The following DPYD variants were observed in gnomAD, a reference collection of about 807,000 sequenced individuals.
DPYD encodes dihydropyrimidine dehydrogenase.
A neutral mutation model predicts 116.2 loss-of-function variants in DPYD; 109 were observed. The ratio of observed to expected loss-of-function variants is 0.94; its 90% CI spans 0.80 to 1.10. DPYD has a LOEUF of 1.10. Among genes scored for constraint, DPYD ranks in the 50% least tolerant of loss-of-function variants. DPYD has a pLI of 0.00. For synonymous variants in DPYD, 440 were observed against 432.0 expected, an observed-to-expected ratio of 1.02 and a Z score of -0.23; for missense variants, 1,302 against 1,254.5, an observed-to-expected ratio of 1.04 and a Z score of -0.57.
chr1:97,757,805 T>A (rs1008810731), intron 3 of DPYD, among the ~76,000 whole-genome samples: 22 of 152,172 alleles, frequency 1.4e-4, no homozygotes, highest in Non-Finnish European at 3.2e-4. Flanking sequence ...CCAAGACAAG[T>A]ATTCACAATA....
rs200068926 is a variant in DPYD, at chr1:97,494,775, CACAT to C, written c.1740+20947_1740+20950del. On this transcript the variant is annotated intron_variant, in intron 13 of 22. Coordinates refer to ENST00000370192, the MANE Select transcript of DPYD (RefSeq NM_000110.4). ...AAACACACACACACACACACACACA[CACAT>C]ACGCACACACACACATAATTTTAAG... Among the ~76,000 whole-genome samples the C allele has an allele frequency of 5.4e-3, 811 of 148,874 alleles. 7 individuals carry two copies. The highest frequency in any genetic ancestry group is 0.019 in the African/African-American group (759 of 40,306).
At chr1:97,533,245 G>C (rs1006036449) in intron 12 of DPYD, among the ~76,000 whole-genome samples, 1 of 151,726 alleles carries the variant, frequency 6.6e-6, no homozygotes, top group Non-Finnish European at 1.5e-5. Flanking sequence ...TAATATGTTG[G>C]TTTCTTTCAC....
intron 14 of DPYD, among the ~76,000 whole-genome samples, chr1:97,447,489 C>T (rs1676153867): frequency 2.0e-5 from 3 of 152,026 alleles, no homozygotes; most frequent in African/African-American, 7.3e-5. Context: ...AAAACGTTAT[C>T]TTCGATATGA....
intron 1 of DPYD, among the ~76,000 whole-genome samples, chr1:97,907,531 T>C (rs1230657383): frequency 6.6e-6 from 1 of 152,100 alleles, no homozygotes; most frequent in Non-Finnish European, 1.5e-5. Flanking sequence ...AGGACTTTAA[T>C]AGCATATTTA....
At chr1:97,527,044 C>T (rs1023630781) in intron 12 of DPYD, among the ~76,000 whole-genome samples, 1 of 151,634 alleles carries the variant, frequency 6.6e-6, no homozygotes, top group South Asian at 2.1e-4. Context: ...AAAGTTTACA[C>T]AAACTACATT....
chr1:97,236,808 T>G lies in DPYD; in HGVS notation c.2300-1814A>C, dbSNP rs868206770. On this transcript the variant is annotated intron_variant, in intron 18 of 22. Transcript: ENST00000370192. ...GATTACAACAAATGTATCACTCTAG[T>G]GGGGAATGTTGATAATGAGGGAGGT... Among the ~76,000 whole-genome samples, 8 of 152,210 alleles carry G rather than the reference T, an allele frequency of 5.3e-5. No homozygotes were observed. The South Asian group carries it at 1.7e-3, about 32-fold the overall frequency.
Position 97,699,548 on chromosome 1 carries a change from C to T in DPYD, c.484-1G>A, listed in dbSNP as rs2100972539. On this transcript the variant is annotated splice_acceptor_variant, in intron 5 of 22. Coordinates refer to ENST00000370192, the MANE Select transcript of DPYD (RefSeq NM_000110.4). LOFTEE classifies it high-confidence loss of function. ...GTGGGATACTCATTGCTTTGAATAC[C>T]TACGGGGAAATCAATTGTCATGGTT... 6.2e-7 allele frequency: 1 copy of T among 1,613,170 alleles called. No individual in the cohort carries two copies. The highest frequency in any genetic ancestry group is 2.2e-5 in the East Asian group (1 of 44,854).
At chr1:97,719,968 A>G in intron 5 of DPYD, 2 of 984,938 alleles carry the variant, frequency 2.0e-6, no homozygotes, top group Non-Finnish European at 2.4e-6. Context: ...CTCAAATTTT[A>G]GTAAGTTTCT....
intron 4 of DPYD, among the ~76,000 whole-genome samples, chr1:97,732,515 T>C (rs1446189710): frequency 6.6e-6 from 1 of 151,290 alleles, no homozygotes; most frequent in African/African-American, 2.4e-5. Flanking sequence ...CTTGTGAAGT[T>C]ATATATATAT....
chr1:97,814,895 C>A (rs1668499675), intron 3 of DPYD, among the ~76,000 whole-genome samples: 1 of 83,430 alleles, frequency 1.2e-5, no homozygotes, highest in Admixed American at 1.9e-4. Context: ...CAGAGTGAGA[C>A]CCTGTCTCAA....
intron 7 of DPYD, among the ~76,000 whole-genome samples, chr1:97,690,706 C>T (rs1215391265): frequency 6.6e-6 from 1 of 151,852 alleles, no homozygotes; most frequent in African/African-American, 2.4e-5. Flanking sequence ...GTAAAATAAT[C>T]ACCTCTAAAT....
rs188113057 is a variant in DPYD at position 97,096,804 on chromosome 1, C to A, written c.2766+1685G>T. Among the ~76,000 whole-genome samples, 22 of 152,234 alleles carry A rather than the reference C, an allele frequency of 1.4e-4. No individual in the cohort carries two copies. The East Asian group carries it at 4.1e-3, about 28-fold the overall frequency. ...GGCCACCCCAACCAGCAGTGGCAAC[C>A]TGCTGGGGTCCCTTTCCATGCTGTG... On this transcript the variant is annotated intron_variant, in intron 21 of 22. Coordinates refer to ENST00000370192, the MANE Select transcript of DPYD (RefSeq NM_000110.4).
At chr1:97,289,805 C>G (rs1004629391) in intron 18 of DPYD, among the ~76,000 whole-genome samples, 3 of 151,008 alleles carry the variant, frequency 2.0e-5, no homozygotes, top group Non-Finnish European at 4.4e-5. Flanking sequence ...TCTCGCCACT[C>G]CTATTCAACA....
intron 14 of DPYD, among the ~76,000 whole-genome samples, chr1:97,435,517 G>C (rs1675422503): frequency 6.6e-6 from 1 of 151,836 alleles, no homozygotes; most frequent in Non-Finnish European, 1.5e-5. Context: ...TGTCTCTCAT[G>C]AACAGTCTCT....
chr1:97,308,655 A>C (rs1024363061), intron 16 of DPYD, among the ~76,000 whole-genome samples: 2 of 151,780 alleles, frequency 1.3e-5, no homozygotes, highest in East Asian at 3.9e-4. Flanking sequence ...GTTTCTTCAA[A>C]ATTTTGATAT....
At chr1:97,286,036 C>T (rs905973756) in intron 18 of DPYD, among the ~76,000 whole-genome samples, 5 of 152,094 alleles carry the variant, frequency 3.3e-5, no homozygotes, top group African/African-American at 1.2e-4. Flanking sequence ...TACAATTTGG[C>T]ATGATTTTGC....
chr1:97,767,644 T>C (rs928300156), intron 3 of DPYD, among the ~76,000 whole-genome samples: 2 of 151,814 alleles, frequency 1.3e-5, no homozygotes, highest in Admixed American at 1.3e-4. Context: ...TGTGAAAGAG[T>C]TCAGTCAAGA....
intron 18 of DPYD, among the ~76,000 whole-genome samples, chr1:97,245,306 C>A (rs1193449400): frequency 7.2e-5 from 11 of 152,048 alleles, no homozygotes; most frequent in Admixed American, 4.6e-4. Flanking sequence ...AAATTCACTG[C>A]CGGGTTTGAA....
chr1:97,603,667 C>T (rs1655404089), intron 8 of DPYD, among the ~76,000 whole-genome samples: 1 of 152,072 alleles, frequency 6.6e-6, no homozygotes. Flanking sequence ...GTATTAGTTA[C>T]TTTCTGGAAG....
Sources: gnomAD v4.1 joint callset for allele counts (sites outside exome capture counted in the v4.1 genomes callset) on GRCh38, gnomAD v4.1.1 for gene constraint, MANE v1.5 for transcripts, NCBI Gene and HGNC (gene_info 2026-07-23, HGNC 2026-07-21) for gene names.